The following HDAC9 variants were observed in gnomAD, a reference collection of about 807,000 sequenced individuals.
HDAC9 encodes histone deacetylase 9, also known as MEF-2 interacting transcription repressor (MITR) protein.
A neutral mutation model predicts 139.4 loss-of-function variants in HDAC9; 41 were observed. The ratio of observed to expected loss-of-function variants is 0.29; its 90% CI spans 0.23 to 0.38. The LOEUF (loss-of-function observed/expected upper bound fraction) is 0.38. HDAC9 is among the 10% of genes least tolerant of loss of function. The pLI, the probability that HDAC9 is intolerant of heterozygous loss-of-function variation, is 1.00. For synonymous variants in HDAC9, 517 were observed against 476.2 expected, an observed-to-expected ratio of 1.09 and a Z score of -1.12; for missense variants, 1,147 against 1,297.0, an observed-to-expected ratio of 0.88 and a Z score of 1.78.
At chr7:18,727,822 G>A (rs759652342) in intron 13 of HDAC9, 65 bp downstream of exon 13, 24 of 1,238,254 alleles carry the variant, frequency 1.9e-5, no homozygotes, top group East Asian at 5.7e-5. Context: ...AGGATTAACC[G>A]ATTTAAATGC....
At chr7:18,138,172 T>C (rs1367496066) in intron 1 of HDAC9, among the ~76,000 whole-genome samples, 1 of 152,224 alleles carries the variant, frequency 6.6e-6, no homozygotes, top group Non-Finnish European at 1.5e-5. Flanking sequence ...CATTTTTTAT[T>C]GCATCTATTT....
chr7:18,531,564 A>G (rs1808953161), intron 2 of HDAC9, among the ~76,000 whole-genome samples: 2 of 152,136 alleles, frequency 1.3e-5, no homozygotes, highest in African/African-American at 4.8e-5. Flanking sequence ...TTCCCCTATG[A>G]TTAAAGAAAA....
At chr7:18,517,993 C>A (rs921532662) in intron 2 of HDAC9, 1 of 149,926 alleles carries the variant, frequency 6.7e-6, no homozygotes, top group African/African-American at 2.4e-5. Context: ...CTCACACTTA[C>A]AGTTATACAG....
chr7:18,550,460 A>G (rs959766961), intron 2 of HDAC9, among the ~76,000 whole-genome samples: 2 of 152,328 alleles, frequency 1.3e-5, no homozygotes, highest in African/African-American at 4.8e-5. Flanking sequence ...AGATAAAAAA[A>G]TTGCTGCTCT....
At chr7:18,274,531 C>CA (rs1184271378) in intron 2 of HDAC9, among the ~76,000 whole-genome samples, 2 of 152,108 alleles carry the variant, frequency 1.3e-5, no homozygotes, top group African/African-American at 2.4e-5. Flanking sequence ...AAACACCTTC[C>CA]AATAGGCCCT....
chr7:18,777,432 A>G (rs888768595), intron 16 of HDAC9, among the ~76,000 whole-genome samples: 2 of 151,842 alleles, frequency 1.3e-5, no homozygotes, highest in African/African-American at 2.4e-5. Flanking sequence ...ATCCTGATTT[A>G]TATCTGAACT....
intron 6 of HDAC9, among the ~76,000 whole-genome samples, chr7:18,611,018 T>G (rs951321358): frequency 1.3e-5 from 2 of 152,222 alleles, no homozygotes; most frequent in African/African-American, 4.8e-5. Flanking sequence ...TAGAGTCATG[T>G]GAAATCCTTC....
intron 19 of HDAC9, among the ~76,000 whole-genome samples, chr7:18,831,326 C>T (rs930939921): frequency 6.6e-6 from 1 of 152,116 alleles, no homozygotes; most frequent in African/African-American, 2.4e-5. Context: ...CTTTGTATTT[C>T]AGAGGATGTA....
intron 22 of HDAC9, among the ~76,000 whole-genome samples, chr7:18,893,616 T>C (rs1043708127): frequency 7.9e-5 from 12 of 152,204 alleles, no homozygotes; most frequent in Non-Finnish European, 1.8e-4. Flanking sequence ...ACAATGGACA[T>C]TGCAGATATA....
At chr7:18,153,334 C>A (rs1211004668) in intron 1 of HDAC9, among the ~76,000 whole-genome samples, 1 of 135,402 alleles carries the variant, frequency 7.4e-6, no homozygotes, top group Non-Finnish European at 1.5e-5. Context: ...GCTCAAGAGC[C>A]CTGTTATGGA....
intron 17 of HDAC9, among the ~76,000 whole-genome samples, chr7:18,824,515 T>C (rs1795264717): frequency 6.6e-6 from 1 of 152,164 alleles, no homozygotes; most frequent in African/African-American, 2.4e-5. Context: ...GATGAAGCTA[T>C]AACTGGAATG....
intron 1 of HDAC9, among the ~76,000 whole-genome samples, chr7:18,415,288 G>A (rs1585734887): frequency 1.3e-5 from 2 of 152,170 alleles, no homozygotes; most frequent in East Asian, 3.9e-4. Flanking sequence ...CTGATGTTAA[G>A]CCAGTTCACA....
intron 2 of HDAC9, among the ~76,000 whole-genome samples, chr7:18,248,638 T>C (rs959994702): frequency 1.3e-5 from 2 of 152,238 alleles, no homozygotes; most frequent in South Asian, 4.1e-4. Context: ...AATCAGCTTT[T>C]TTCATGCACT....
intron 2 of HDAC9, among the ~76,000 whole-genome samples, chr7:18,546,409 A>T (rs548887403): frequency 2.6e-5 from 4 of 152,224 alleles, no homozygotes; most frequent in African/African-American, 9.6e-5. Context: ...CGGAATACGA[A>T]CTCTCCAAGT....
chr7:18,144,879 C>G (rs74803678), intron 1 of HDAC9, among the ~76,000 whole-genome samples: 1 of 152,272 alleles, frequency 6.6e-6, no homozygotes, highest in Non-Finnish European at 1.5e-5. Flanking sequence ...TTCAAACTCC[C>G]TGAGGTCTGA....
chr7:18,254,621 G>A (rs976806502), intron 2 of HDAC9, among the ~76,000 whole-genome samples: 1 of 152,142 alleles, frequency 6.6e-6, no homozygotes, highest in Non-Finnish European at 1.5e-5. Context: ...CTGCTTGTTG[G>A]AAGTATGTAG....
At chr7:18,331,375 C>A (rs912382615) in intron 1 of HDAC9, among the ~76,000 whole-genome samples, 4 of 151,530 alleles carry the variant, frequency 2.6e-5, no homozygotes, top group Non-Finnish European at 5.9e-5. Context: ...AAGATGTGTT[C>A]AGTTAACATA....
intron 2 of HDAC9, among the ~76,000 whole-genome samples, chr7:18,564,311 A>G (rs545498971): frequency 2.6e-5 from 4 of 152,304 alleles, no homozygotes; most frequent in Non-Finnish European, 5.9e-5. Context: ...AATTATAGGT[A>G]GTACTAACCC....
At chr7:18,256,939 A>G (rs1283459629) in intron 2 of HDAC9, among the ~76,000 whole-genome samples, 1 of 151,896 alleles carries the variant, frequency 6.6e-6, no homozygotes, top group Non-Finnish European at 1.5e-5. Flanking sequence ...AGTAAAAAAA[A>G]ATAACCAGGC....
Sources: gnomAD v4.1 joint callset for allele counts (sites outside exome capture counted in the v4.1 genomes callset) on GRCh38, gnomAD v4.1.1 for gene constraint, MANE v1.5 for transcripts, NCBI Gene and HGNC (gene_info 2026-07-23, HGNC 2026-07-21) for gene names.